The following GLA variants were observed in gnomAD, a reference collection of about 807,000 sequenced individuals.
The protein encoded by GLA is alpha-galactosidase A.
A neutral mutation model predicts 28.2 loss-of-function variants in GLA; 4 were observed. The observed-to-expected ratio is 0.14, with a 90% CI of 0.07 to 0.32. GLA has a LOEUF of 0.32. GLA is among the 10% of genes least tolerant of loss of function. GLA has a pLI of 1.00. For missense variants in GLA, 203 were observed against 323.7 expected (o/e 0.63, Z 2.86); for synonymous variants, 94 against 113.0 (o/e 0.83, Z 1.07).
At chrX:101,401,457 T>G (rs998450923) in intron 3 of GLA, 175 bp downstream of exon 3, 10 of 487,067 alleles carry the variant, frequency 2.1e-5, no homozygotes, top group African/African-American at 5.2e-5. Flanking sequence ...TTACATGAAT[T>G]AATTAATTAA....
chrX:101,399,672 C>A (rs1467171300), intron 4 of GLA: 1 of 112,481 alleles, frequency 8.9e-6, no homozygotes, highest in Non-Finnish European at 1.9e-5. Context: ...CCATAAATAA[C>A]TATTCAACAC....
chrX:101,403,972 T>C lies in GLA; in HGVS notation c.208A>G (p.Met70Val), dbSNP rs1555986330. 2 of 1,206,895 alleles carry C rather than the reference T, an allele frequency of 1.7e-6. No homozygotes were observed. Among genetic ancestry groups the C allele is most frequent in the Non-Finnish European group, 2.2e-6 (2 of 891,056 alleles). ...PDSCISEKLF[M>V]EMAELMVSEG... Reference sequence around the variant, plus strand: ...GAGACCATGAGCTCTGCCATCTCCATGAAGAGCTTCTCACTGAAAGAGAAA... The same window carrying C: ...GAGACCATGAGCTCTGCCATCTCCACGAAGAGCTTCTCACTGAAAGAGAAA... Residue 70 changes from methionine (M) to valine (V), a missense_variant, in exon 2 of 7, where the codon ATG becomes GTG. Met to Val is a conservative substitution (Grantham distance 21, BLOSUM62 1). Coordinates refer to ENST00000218516, the MANE Select transcript of GLA (RefSeq NM_000169.3).
rs151208856 is a variant in GLA, at chrX:101,398,424, G to A, written c.945C>T (p.Asp315=). The part of the protein sequence containing the change: ...PQAKALLQDK[D]VIAINQDPLG... ...AGGGGTCCTGATTGATGGCAATTAC[G>A]TCCTTATCCTGAAGGAGAGCTTTGG... is the stretch of plus-strand genomic sequence containing the variant. Residue 315 remains aspartate (D), a synonymous_variant, in exon 6 of 7, where the codon GAC becomes GAT. Transcript: ENST00000218516. 311 of 1,207,797 alleles carry A rather than the reference G, an allele frequency of 2.6e-4. No homozygotes were observed. Among genetic ancestry groups the A allele is most frequent in the Non-Finnish European group, 3.3e-4 (295 of 893,618 alleles).
rs781888732 is a variant in GLA, at chrX:101,400,824, GTTATTTTATT to G, written c.548-77_548-68del. The G allele has an allele frequency of 5.6e-5, 29 of 517,140 alleles. No individual in the cohort carries two copies. In the South Asian group the frequency reaches 7.3e-4, roughly 13 times the overall value. The allele number at this position is 517,140 out of a possible 1,213,427, so 42.6% of individuals were successfully genotyped here. A position where few individuals can be genotyped will look rare whatever the true frequency, so the allele number is the denominator to read the frequency against. On this transcript the variant is annotated intron_variant, in intron 3 of 6. Coordinates refer to ENST00000218516, the MANE Select transcript of GLA (RefSeq NM_000169.3). Reference sequence around the variant, plus strand: ...ATTTCCAGCTGGGGCTATATATATAGTTATTTTATTTTATTTTATTTTAATTTTTTGAGAT... The same window carrying G: ...ATTTCCAGCTGGGGCTATATATATAGTTATTTTATTTTAATTTTTTGAGAT...
chrX:101,403,530 C>T (rs781928510), intron 2 of GLA, among the ~76,000 whole-genome samples: 5 of 107,890 alleles, frequency 4.6e-5, no homozygotes, highest in South Asian at 8.2e-4. Flanking sequence ...TGGGTTCAAG[C>T]GATTCTCCTG....
chrX:101,403,298 CAAA>C (rs1345659937), intron 2 of GLA, among the ~76,000 whole-genome samples: 1 of 32,804 alleles, frequency 3.0e-5, no homozygotes, highest in East Asian at 1.1e-3. Flanking sequence ...GACTCCATCT[CAAA>C]AAAAAAAAAA....
At chrX:101,398,741 A>C (rs1928182034) in intron 5 of GLA, 44 bp downstream of exon 5, 7 of 1,180,874 alleles carry the variant, frequency 5.9e-6, no homozygotes, top group Non-Finnish European at 8.1e-6. Flanking sequence ...AATAGGAAAC[A>C]AGCCTACCGC....
At chrX:101,401,408 A>C in intron 3 of GLA, 4 of 433,950 alleles carry the variant, frequency 9.2e-6, no homozygotes, top group Non-Finnish European at 4.1e-6. Context: ...CTTGAATTAT[A>C]AGTGCACAAT....
chrX:101,399,156 C>A, intron 4 of GLA, among the ~76,000 whole-genome samples: 1 of 112,491 alleles, frequency 8.9e-6, no homozygotes, highest in East Asian at 2.8e-4. Context: ...AGTTAATTTA[C>A]TTCTATAATC....
chrX:101,404,618 G>A (rs191481739), intron 1 of GLA, among the ~76,000 whole-genome samples: 2,618 of 92,637 alleles, frequency 0.028, 116 homozygotes, highest in African/African-American at 0.1. Flanking sequence ...CACCCAGGCT[G>A]GAGTGCAGTG....
chrX:101,402,294 C>T (rs189802971), intron 2 of GLA, among the ~76,000 whole-genome samples: 1 of 112,031 alleles, frequency 8.9e-6, no homozygotes, highest in East Asian at 2.8e-4. Context: ...TCATCCCCCA[C>T]CCTTCTTGTT....
chrX:101,406,496 A>G (rs1198550673), intron 1 of GLA, among the ~76,000 whole-genome samples: 2 of 111,425 alleles, frequency 1.8e-5, no homozygotes, highest in Non-Finnish European at 3.8e-5. Flanking sequence ...CTTTATCTAC[A>G]TTTTTTGCAA....
chrX:101,398,301 A>G (rs1230934831), intron 6 of GLA, 69 bp downstream of exon 6: 2 of 875,325 alleles, frequency 2.3e-6, no homozygotes, highest in Non-Finnish European at 3.4e-6. Flanking sequence ...GGAAAAAAAT[A>G]GATTTAGGCC....
chrX:101,400,766 G>A lies in GLA; in HGVS notation c.548-9C>T, dbSNP rs869312339. 2 of 962,264 alleles carry A rather than the reference G, an allele frequency of 2.1e-6. No homozygotes were observed. Among genetic ancestry groups the A allele is most frequent in the Non-Finnish European group, 3.0e-6 (2 of 669,642 alleles). 79.3% of individuals were successfully genotyped at this position (962,264 alleles called of 1,213,427 possible). A position where few individuals can be genotyped will look rare whatever the true frequency, so the allele number is the denominator to read the frequency against. On this transcript the variant is annotated splice_polypyrimidine_tract_variant and intron_variant, in intron 3 of 6. Transcript: ENST00000218516. ...GGACATGTGCTTATAACCTGTATGAGAAAACAATGGGTAAAATAAGGGAAA... is the reference window on the plus strand; with the variant it reads ...GGACATGTGCTTATAACCTGTATGAAAAAACAATGGGTAAAATAAGGGAAA...
At chrX:101,406,040 TAA>T (rs34454314) in intron 1 of GLA, among the ~76,000 whole-genome samples, 4 of 42,547 alleles carry the variant, frequency 9.4e-5, no homozygotes, top group Admixed American at 6.1e-4. Context: ...CCGTCTGTAC[TAA>T]AAAAAAAAAA....
intron 4 of GLA, among the ~76,000 whole-genome samples, chrX:101,399,153 T>G (rs2147473761): frequency 8.9e-6 from 1 of 112,595 alleles, no homozygotes; most frequent in South Asian, 3.6e-4. Context: ...TAAAGTTAAT[T>G]TACTTCTATA....
chrX:101,405,885 T>C (rs1437278373), intron 1 of GLA, among the ~76,000 whole-genome samples: 1 of 104,925 alleles, frequency 9.5e-6, no homozygotes, highest in Non-Finnish European at 1.9e-5. Flanking sequence ...GCCACTGCAC[T>C]CCAACCTGGG....
At chrX:101,407,261 C>T (rs1555986974) in intron 1 of GLA, among the ~76,000 whole-genome samples, 1 of 111,417 alleles carries the variant, frequency 9.0e-6, no homozygotes. Context: ...CTCCTACCCA[C>T]CCTAGATGTT....
intron 2 of GLA, among the ~76,000 whole-genome samples, chrX:101,402,631 T>C (rs1461826434): frequency 9.0e-6 from 1 of 111,007 alleles, no homozygotes. Context: ...GGCGTGGTGG[T>C]GTGCGCCTGT....
Sources: gnomAD v4.1 joint callset for allele counts (sites outside exome capture counted in the v4.1 genomes callset) on GRCh38, gnomAD v4.1.1 for gene constraint, MANE v1.5 for transcripts, NCBI Gene and HGNC (gene_info 2026-07-23, HGNC 2026-07-21) for gene names.